HAVCR1: variants seen among roughly 807,000 people sequenced by gnomAD.
HAVCR1 encodes T cell immunoglobin domain and mucin domain protein 1.
A neutral mutation model predicts 32.0 loss-of-function variants in HAVCR1; 34 were observed. The observed-to-expected ratio is 1.06, with a 90% CI of 0.81 to 1.42. The LOEUF (loss-of-function observed/expected upper bound fraction) is 1.42. Ranked by LOEUF, HAVCR1 falls within the 40% of genes most tolerant of loss-of-function variation. HAVCR1 has a pLI of 0.00. For synonymous variants in HAVCR1, 178 were observed against 170.3 expected, an observed-to-expected ratio of 1.05 and a Z score of -0.35; for missense variants, 420 against 442.3, an observed-to-expected ratio of 0.95 and a Z score of 0.45.
At chr5:157,044,627 A>AAGAAAGAAAG (rs1561591288) in intron 5 of HAVCR1, among the ~76,000 whole-genome samples, 75 of 61,570 alleles carry the variant, frequency 1.2e-3, no homozygotes, top group South Asian at 5.8e-3. Flanking sequence ...GAAAGAAAGA[A>AAGAAAGAAAG]AGAAAGAAAG....
upstream of HAVCR1, among the ~76,000 whole-genome samples, chr5:157,060,737 C>T (rs1014490325): frequency 2.8e-4 from 43 of 152,068 alleles, no homozygotes; most frequent in African/African-American, 8.9e-4. Flanking sequence ...CATAACTGTA[C>T]AATTCCATAG....
intron 5 of HAVCR1, among the ~76,000 whole-genome samples, chr5:157,044,641 G>GAA: frequency 1.8e-5 from 2 of 108,518 alleles, no homozygotes; most frequent in African/African-American, 4.0e-5. Flanking sequence ...AAGAAAGAAA[G>GAA]AAAGAAAGAA....
At chr5:157,032,776 GGAGA>G in intron 8 of HAVCR1, 74 bp downstream of exon 8, 2 of 879,374 alleles carry the variant, frequency 2.3e-6, no homozygotes, top group Admixed American at 1.9e-5. Flanking sequence ...GGAGAGTTTA[GGAGA>G]GAGACAGAAA....
chr5:157,030,413 C>T (rs1261584434), intron 8 of HAVCR1, among the ~76,000 whole-genome samples: 1 of 152,228 alleles, frequency 6.6e-6, no homozygotes, highest in Non-Finnish European at 1.5e-5. Context: ...TGCCTCTAAT[C>T]CCAGCATTTT....
intron 6 of HAVCR1, 125 bp from the exon 7 acceptor site, chr5:157,037,486 G>A (rs1439602453): frequency 5.0e-6 from 3 of 605,192 alleles, no homozygotes; most frequent in Non-Finnish European, 8.8e-6. Flanking sequence ...TGGAACATAA[G>A]GGTAAGACCA....
chr5:157,053,947 G>A (rs767254335), intron 3 of HAVCR1, among the ~76,000 whole-genome samples: 5 of 151,990 alleles, frequency 3.3e-5, no homozygotes, highest in Admixed American at 1.3e-4. Context: ...TTGGGAGGCC[G>A]AGGCAAGTGG....
chr5:157,049,700 T>A (rs1755628422), intron 4 of HAVCR1, among the ~76,000 whole-genome samples: 1 of 152,170 alleles, frequency 6.6e-6, no homozygotes, highest in South Asian at 2.1e-4. Context: ...TTCCTTGAGG[T>A]CTCTTAAAGC....
rs45439103 is a variant in HAVCR1 at position 157,052,432 on chromosome 5, CTTG to C, written c.599_601del (p.Thr200del). 0.2 allele frequency: 327,352 copies of C among 1,613,250 alleles called. 35,058 individuals carry two copies. Among genetic ancestry groups the C allele is most frequent in the African/African-American group, 0.35 (25,989 of 74,920 alleles). ...AGAGACAGTTGTTGTCACTGGAACA[CTTG>C]TTGTTGTTGGAATGCTCGTTGTCGT... On this transcript the variant is annotated inframe_deletion, in exon 4 of 9. Coordinates refer to ENST00000523175, the MANE Select transcript of HAVCR1 (RefSeq NM_001173393.3).
intron 5 of HAVCR1, among the ~76,000 whole-genome samples, chr5:157,048,085 T>C (rs553883683): frequency 8.8e-4 from 134 of 152,284 alleles, no homozygotes; most frequent in African/African-American, 3.1e-3. Flanking sequence ...GTTTGGGAGT[T>C]TCCCTTAATA....
rs551851890 is a variant in HAVCR1 at position 157,029,826 on chromosome 5, G to T, written c.1002C>A (p.Ser334Arg). ...CATTTTGCAAAGCTTTAATTTGAAG[G>T]CTGCTAAATGAAACACTGTAGAAAG... ...EVQQLSVSFS[S>R]LQIKALQNAV... Residue 334 changes from serine (S) to arginine (R), a missense_variant, in exon 9 of 9, where the codon AGC becomes AGA. Transcript: ENST00000523175. 46 of 1,612,222 alleles carry T rather than the reference G, an allele frequency of 2.9e-5. No individual in the cohort carries two copies. The East Asian group carries it at 6.7e-4, about 23-fold the overall frequency.
Position 157,029,530 on chromosome 5 carries a change from A to C in HAVCR1, c.*203T>G. The stretch of plus-strand genomic sequence containing the variant: ...GATTGAGCCAGTTTTAGCATAAAAA[A>C]TTAGGACTACATTAATGATGAGGTT... On this transcript the variant is annotated 3_prime_UTR_variant, in exon 9 of 9. Transcript: ENST00000523175. The C allele has an allele frequency of 7.5e-7, 1 of 1,328,392 alleles. No individual in the cohort carries two copies. The highest frequency in any genetic ancestry group is 1.0e-6 in the Non-Finnish European group (1 of 961,210). 82.3% of individuals were successfully genotyped at this position (1,328,392 alleles called of 1,614,324 possible).
intron 6 of HAVCR1, among the ~76,000 whole-genome samples, chr5:157,040,252 C>G (rs898147096): frequency 6.6e-6 from 1 of 151,316 alleles, no homozygotes; most frequent in African/African-American, 2.4e-5. Flanking sequence ...GAGCCAAGAT[C>G]GCGCCATTGC....
upstream of HAVCR1, among the ~76,000 whole-genome samples, chr5:157,061,569 TGGTGGCG>T (rs990629287): frequency 6.6e-6 from 1 of 151,938 alleles, no homozygotes; most frequent in African/African-American, 2.4e-5. Context: ...TAGCCAGGCG[TGGTGGCG>T]GGTGCCTGTA....
chr5:157,064,460 G>A, the HAVCR1 span, among the ~76,000 whole-genome samples: 1 of 152,102 alleles, frequency 6.6e-6, no homozygotes, highest in Non-Finnish European at 1.5e-5. Context: ...AGGTGGAGAA[G>A]GTGGAGCAAA....
intron 5 of HAVCR1, among the ~76,000 whole-genome samples, chr5:157,048,124 C>T (rs1221946980): frequency 6.6e-6 from 1 of 152,112 alleles, no homozygotes; most frequent in Non-Finnish European, 1.5e-5. Context: ...AAATCATAGC[C>T]CCATCTGAGA....
At chr5:157,057,857 C>A in intron 2 of HAVCR1, 41 bp downstream of exon 2, 1 of 1,516,284 alleles carries the variant, frequency 6.6e-7, no homozygotes, top group Non-Finnish European at 9.2e-7. Flanking sequence ...TCTAACCCCC[C>A]TCTACTCCCT....
At chr5:157,048,937 G>A in intron 5 of HAVCR1, 101 bp downstream of exon 5, 1 of 718,036 alleles carries the variant, frequency 1.4e-6, no homozygotes, top group East Asian at 2.5e-5. Context: ...CCTGGTGTTG[G>A]CACTCAGATC....
intron 6 of HAVCR1, among the ~76,000 whole-genome samples, chr5:157,040,272 T>G (rs79859954): frequency 1.3e-5 from 2 of 150,638 alleles, no homozygotes; most frequent in Non-Finnish European, 3.0e-5. Context: ...CCCTCCAGCC[T>G]GGGTAACAAG....
rs759882021 is a variant in HAVCR1, at chr5:157,049,136, G to C, written c.683C>G (p.Ser228Ter). The change falls in exon 5 of 9, where the codon TCA (serine) becomes TGA (stop). Residue 228 changes from serine (S) to a stop codon, truncating the protein, a stop_gained. Coordinates refer to ENST00000523175, the MANE Select transcript of HAVCR1 (RefSeq NM_001173393.3). LOFTEE classifies it high-confidence loss of function. ...TTCTGCTGGCTGAGGTGAAGATGGTGAAGTGGCTACTGGAATGAAAAGAAT... is the reference window on the plus strand; with the variant it reads ...TTCTGCTGGCTGAGGTGAAGATGGTCAAGTGGCTACTGGAATGAAAAGAAT... ...PRQNHEPVAT[S>*]PSSPQPAETH... The C allele has an allele frequency of 6.2e-7, 1 of 1,600,120 alleles. No homozygotes were observed. The highest frequency in any genetic ancestry group is 8.6e-7 in the Non-Finnish European group (1 of 1,167,250).
Sources: allele counts gnomAD v4.1 joint callset (sites outside exome capture counted in the v4.1 genomes callset), GRCh38; gene constraint gnomAD v4.1.1; transcripts MANE v1.5; gene names NCBI Gene and HGNC (gene_info 2026-07-23, HGNC 2026-07-21).